Variants in FANCA observed in about 807,000 individuals in gnomAD.
The protein encoded by FANCA is FA complementation group A.
FANCA carries 236 observed loss-of-function variants against 194.3 expected under a neutral mutation model. The observed-to-expected ratio is 1.21, with a 90% confidence interval of 1.09 to 1.35. The LOEUF is 1.35. Among genes scored for constraint, FANCA ranks in the 40% most tolerant of loss-of-function variants. FANCA has a pLI of 0.00. For synonymous variants in FANCA, 1,014 were observed against 715.8 expected, an observed-to-expected ratio of 1.42 and a Z score of -6.65; for missense variants, 2,628 against 1,813.9, an observed-to-expected ratio of 1.45 and a Z score of -8.15.
chr16:89,782,394 C>T lies in FANCA; in HGVS notation c.1626+465G>A, dbSNP rs569869681. 2.0e-5 allele frequency among the ~76,000 whole-genome samples: 3 copies of T among 150,904 alleles called. No homozygotes were observed. The South Asian group carries it at 6.4e-4, about 32-fold the overall frequency. ...AGGCGTGGTGGCGGCTCCTGTAGTC[C>T]CAGCTACTCTGGAGGCTGAGGCAGG... On this transcript the variant is annotated intron_variant, in intron 17 of 42. Coordinates refer to ENST00000389301, the MANE Select transcript of FANCA (RefSeq NM_000135.4).
intron 15 of FANCA, among the ~76,000 whole-genome samples, 191 bp downstream of exon 15, chr16:89,784,663 G>A (rs897019665): frequency 6.6e-6 from 1 of 152,126 alleles, no homozygotes; most frequent in Non-Finnish European, 1.5e-5. Flanking sequence ...TGTCCACGTG[G>A]ACACCTCCAG....
At chr16:89,781,748 C>T (rs113713854) in intron 17 of FANCA, among the ~76,000 whole-genome samples, 4 of 150,714 alleles carry the variant, frequency 2.7e-5, no homozygotes, top group Non-Finnish European at 4.4e-5. Flanking sequence ...GCCTGTAATC[C>T]CAGCACTTTG....
intron 36 of FANCA, 146 bp downstream of exon 36, chr16:89,744,813 C>T (rs1386377443): frequency 1.2e-5 from 9 of 769,898 alleles, no homozygotes; most frequent in South Asian, 4.4e-5. Context: ...CCCACCACCA[C>T]GAGAACTCGG....
In FANCA at chr16:89,738,711, G is replaced by C. The variant is rs765478990; in HGVS notation, c.4261-3C>G. ...CAGTCCCCACGATCAGCCAGCAGCT[G>C]TGAGAGAGGAGCAGGTCCTCAGCCC... On this transcript the variant is annotated splice_polypyrimidine_tract_variant and splice_region_variant and intron_variant, in intron 42 of 42. Coordinates refer to ENST00000389301, the MANE Select transcript of FANCA (RefSeq NM_000135.4). 1 of 1,613,846 alleles carries C rather than the reference G, an allele frequency of 6.2e-7. No homozygotes were observed. Among genetic ancestry groups the C allele is most frequent in the Non-Finnish European group, 8.5e-7 (1 of 1,179,940 alleles).
In FANCA at chr16:89,770,030, A is replaced by G. The variant is rs760617819; in HGVS notation, c.2317-6T>C. ...GGGGCACTCAGGCTCGGGCCCTGCA[A>G]CGAGAATGAGGGTGGCAGAGCAGAC... On this transcript the variant is annotated splice_polypyrimidine_tract_variant and splice_region_variant and intron_variant, in intron 25 of 42. Coordinates refer to ENST00000389301, the MANE Select transcript of FANCA (RefSeq NM_000135.4). 5 of 1,612,968 alleles carry G rather than the reference A, an allele frequency of 3.1e-6. No homozygotes were observed. Among genetic ancestry groups the G allele is most frequent in the Non-Finnish European group, 4.2e-6 (5 of 1,179,734 alleles).
intron 14 of FANCA, among the ~76,000 whole-genome samples, chr16:89,789,287 C>G (rs929046996): frequency 8.3e-6 from 1 of 120,274 alleles, no homozygotes; most frequent in South Asian, 2.8e-4. Flanking sequence ...CCTGTGCAGC[C>G]TCAGCTCCTC....
At chr16:89,810,274 G>A (rs530631653) in intron 5 of FANCA, among the ~76,000 whole-genome samples, 16 of 147,496 alleles carry the variant, frequency 1.1e-4, no homozygotes, top group Admixed American at 3.4e-4. Flanking sequence ...AGTGAGCCAA[G>A]ATCACGCCAC....
At chr16:89,805,104 A>G (rs1426960030) in intron 7 of FANCA, among the ~76,000 whole-genome samples, 176 bp downstream of exon 7, 1 of 152,188 alleles carries the variant, frequency 6.6e-6, no homozygotes, top group Non-Finnish European at 1.5e-5. Flanking sequence ...GTATTTCCAC[A>G]TCAGTCAAGT....
chr16:89,805,691 C>A (rs2040615363), intron 6 of FANCA, among the ~76,000 whole-genome samples: 1 of 151,756 alleles, frequency 6.6e-6, no homozygotes, highest in African/African-American at 2.4e-5. Flanking sequence ...CCACCTTGCC[C>A]TCCCAAAGTG....
intron 38 of FANCA, 101 bp from the exon 39 acceptor site, chr16:89,740,200 T>A: frequency 1.0e-6 from 1 of 954,188 alleles, no homozygotes; most frequent in Non-Finnish European, 1.7e-6. Flanking sequence ...TCCTCTTTGC[T>A]TATTGTAAGT....
In FANCA at chr16:89,767,172, C is replaced by T. The variant is rs886052484; in HGVS notation, c.2570G>A (p.Cys857Tyr). 21 of 1,613,608 alleles carry T rather than the reference C, an allele frequency of 1.3e-5. No individual in the cohort carries two copies. Among genetic ancestry groups the T allele is most frequent in the African/African-American group, 2.7e-5 (2 of 74,926 alleles). ...AATAAGGCCTGGAGATAAGCAGCTG[C>T]ACAAAGTATCTCGTGACTGGGAAGA... is the stretch of plus-strand genomic sequence containing the variant. The part of the protein sequence containing the change: ...KFSSQSRDTL[C>Y]SCLSPGLIKK... Residue 857 changes from cysteine to tyrosine, a missense_variant, in exon 27 of 43, where the codon TGC becomes TAC. Coordinates refer to ENST00000389301, the MANE Select transcript of FANCA (RefSeq NM_000135.4).
At chr16:89,784,631 T>C (rs2039836002) in intron 15 of FANCA, among the ~76,000 whole-genome samples, 1 of 152,034 alleles carries the variant, frequency 6.6e-6, no homozygotes, top group Admixed American at 6.6e-5. Flanking sequence ...TTGCCTTGAC[T>C]GGCACACACG....
chr16:89,794,592 G>C (rs1008217483), intron 11 of FANCA, among the ~76,000 whole-genome samples: 1 of 152,028 alleles, frequency 6.6e-6, no homozygotes, highest in African/African-American at 2.4e-5. Flanking sequence ...AATCATGGTG[G>C]GGATGCTGTT....
rs752735858 is a variant in FANCA at position 89,758,599 on chromosome 16, C to G, written c.2959G>C (p.Ala987Pro). The part of the protein sequence containing the change: ...LQAACTILVN[A>P]LMDFHQSSRS... ...AACCTTTGGTGGAAATCCATCAGTG[C>G]GTTGACAAGAATGGTACACGCAGCC... Residue 987 changes from alanine (A) to proline (P), a missense_variant, in exon 30 of 43, where the codon GCA becomes CCA. By Grantham distance (27) the Ala-to-Pro change is conservative. Transcript: ENST00000389301. 6.2e-7 allele frequency: 1 copy of G among 1,613,838 alleles called. No homozygotes were observed. The highest frequency in any genetic ancestry group is 2.2e-5 in the East Asian group (1 of 44,864).
intron 30 of FANCA, among the ~76,000 whole-genome samples, chr16:89,752,775 C>A (rs547046771): frequency 1.3e-5 from 2 of 152,204 alleles, no homozygotes; most frequent in Non-Finnish European, 2.9e-5. Flanking sequence ...CTTGGTCTAG[C>A]GGTGATGCCA....
chr16:89,743,238 G>C (rs925643695), intron 36 of FANCA, among the ~76,000 whole-genome samples: 2 of 152,182 alleles, frequency 1.3e-5, no homozygotes, highest in African/African-American at 4.8e-5. Context: ...CCTACATTTT[G>C]GAAGAAGAGG....
intron 27 of FANCA, 89 bp from the exon 28 acceptor site, chr16:89,765,155 A>T (rs1358356658): frequency 7.0e-7 from 1 of 1,436,318 alleles, no homozygotes; most frequent in Non-Finnish European, 9.7e-7. Flanking sequence ...ACAGACCATC[A>T]ACAGCCCACA....
At chr16:89,753,388 CTT>C (rs2038663373) in intron 30 of FANCA, among the ~76,000 whole-genome samples, 1 of 152,204 alleles carries the variant, frequency 6.6e-6, no homozygotes, top group African/African-American at 2.4e-5. Flanking sequence ...TGTCTTGTGT[CTT>C]TATTTCTACA....
chr16:89,811,890 CCA>C (rs2040896737), intron 3 of FANCA, among the ~76,000 whole-genome samples: 1 of 151,756 alleles, frequency 6.6e-6, no homozygotes, highest in African/African-American at 2.4e-5. Flanking sequence ...GTCACTACGC[CCA>C]GTTAATTTTT....
Sources: gnomAD v4.1 joint callset for allele counts (sites outside exome capture counted in the v4.1 genomes callset) on GRCh38, gnomAD v4.1.1 for gene constraint, MANE v1.5 for transcripts, NCBI Gene and HGNC (gene_info 2026-07-23, HGNC 2026-07-21) for gene names.